The following RSU1 variants were observed in gnomAD, a reference collection of about 807,000 sequenced individuals.
The protein encoded by RSU1 is rsu-1.
Under a neutral mutation model 31.1 loss-of-function variants are expected in RSU1, and 26 were observed. The observed-to-expected ratio is 0.84, with a 90% CI of 0.61 to 1.16. The LOEUF (loss-of-function observed/expected upper bound fraction) is 1.16, where lower values mean the gene tolerates loss of function less well. Among genes scored for constraint, RSU1 ranks in the 50% most tolerant of loss-of-function variants. The pLI, the probability that RSU1 is intolerant of heterozygous loss-of-function variation, is 0.00. For synonymous variants in RSU1, 164 were observed against 136.3 expected (o/e 1.20, Z -1.41); for missense variants, 320 against 339.1 (o/e 0.94, Z 0.44).
intron 8 of RSU1, among the ~76,000 whole-genome samples, chr10:16,665,727 T>C (rs184344992): frequency 6.6e-6 from 1 of 152,324 alleles, no homozygotes; most frequent in Non-Finnish European, 1.5e-5. Context: ...AAAAAGATCA[T>C]ATTAGGCAAA....
chr10:16,621,444 G>A (rs1380660023), intron 8 of RSU1, among the ~76,000 whole-genome samples: 2 of 152,158 alleles, frequency 1.3e-5, no homozygotes, highest in Non-Finnish European at 2.9e-5. Flanking sequence ...GGTTCCCAAA[G>A]GTGTTGTATG....
chr10:16,730,159 G>T (rs1337990873), intron 7 of RSU1, among the ~76,000 whole-genome samples: 3 of 152,058 alleles, frequency 2.0e-5, no homozygotes, highest in African/African-American at 7.2e-5. Flanking sequence ...TTAAGAATCA[G>T]CTCTCCTGGG....
intron 3 of RSU1, among the ~76,000 whole-genome samples, chr10:16,775,437 GCT>G (rs745368633): frequency 2.0e-5 from 3 of 152,090 alleles, no homozygotes; most frequent in Non-Finnish European, 4.4e-5. Context: ...GCTGGCTTCC[GCT>G]TAGCACAAAA....
chr10:16,735,760 G>C (rs1286241100), intron 7 of RSU1, among the ~76,000 whole-genome samples: 4 of 152,106 alleles, frequency 2.6e-5, no homozygotes, highest in Non-Finnish European at 5.9e-5. Flanking sequence ...ATCAGAGCTT[G>C]TAAGAACTCA....
At chr10:16,665,603 T>G (rs551990598) in intron 8 of RSU1, among the ~76,000 whole-genome samples, 23 of 152,328 alleles carry the variant, frequency 1.5e-4, no homozygotes, top group Middle Eastern at 6.8e-3. Flanking sequence ...TTTTGACACA[T>G]AAATATTAAT....
At chr10:16,662,224 C>T (rs1249755134) in intron 8 of RSU1, among the ~76,000 whole-genome samples, 1 of 152,188 alleles carries the variant, frequency 6.6e-6, no homozygotes, top group African/African-American at 2.4e-5. Context: ...GATTGGCACT[C>T]CTATTTTTAC....
At chr10:16,785,503 C>T (rs980478523) in intron 2 of RSU1, among the ~76,000 whole-genome samples, 41 of 136,306 alleles carry the variant, frequency 3.0e-4, no homozygotes, top group African/African-American at 1.2e-3. Flanking sequence ...TATATATACA[C>T]ATATATACAT....
intron 7 of RSU1, among the ~76,000 whole-genome samples, chr10:16,720,892 G>A (rs1223203756): frequency 1.3e-5 from 2 of 152,092 alleles, no homozygotes; most frequent in African/African-American, 2.4e-5. Context: ...AGGCTGAGGT[G>A]GGAGGATCAC....
intron 4 of RSU1, among the ~76,000 whole-genome samples, chr10:16,759,038 G>A (rs1204947392): frequency 6.6e-6 from 1 of 152,048 alleles, no homozygotes; most frequent in Non-Finnish European, 1.5e-5. Flanking sequence ...TTTTTTCCTT[G>A]TCTTCTAAAG....
At chr10:16,675,578 G>C (rs1461480905) in intron 8 of RSU1, among the ~76,000 whole-genome samples, 1 of 152,140 alleles carries the variant, frequency 6.6e-6, no homozygotes, top group African/African-American at 2.4e-5. Flanking sequence ...GACAAGAAAA[G>C]GAAAATTTGG....
chr10:16,750,195 T>G (rs193289891), intron 7 of RSU1, among the ~76,000 whole-genome samples: 1 of 152,086 alleles, frequency 6.6e-6, no homozygotes, highest in African/African-American at 2.4e-5. Context: ...CTTGACTTTT[T>G]AAAAAAAATC....
intron 8 of RSU1, among the ~76,000 whole-genome samples, chr10:16,684,729 T>G (rs1835408027): frequency 6.6e-6 from 1 of 152,152 alleles, no homozygotes; most frequent in South Asian, 2.1e-4. Flanking sequence ...TTTGTGGTAC[T>G]TGGTTATGGC....
chr10:16,731,442 A>G (rs1836510273), intron 7 of RSU1, among the ~76,000 whole-genome samples: 1 of 151,964 alleles, frequency 6.6e-6, no homozygotes, highest in Non-Finnish European at 1.5e-5. Flanking sequence ...AAAAAAAAAA[A>G]AAAATACTGT....
At chr10:16,700,435 G>T (rs948515585) in intron 7 of RSU1, among the ~76,000 whole-genome samples, 5 of 152,112 alleles carry the variant, frequency 3.3e-5, no homozygotes, top group African/African-American at 1.2e-4. Flanking sequence ...GGATCGAGAT[G>T]GGACATAATA....
chr10:16,752,978 T>G lies in RSU1; in HGVS notation c.423A>C (p.Leu141=). ...FYLTTLRALY[L]SDNDFEILPP... is the part of the protein sequence containing the mutation. ...GCAGGATTTCAAAATCGTTGTCACT[T>G]AGATAGAGTGCACGCAGGGTGGCTG... Residue 141 remains leucine, a synonymous_variant, in exon 6 of 9, where the codon CTA becomes CTC. Transcript: ENST00000345264. The G allele has an allele frequency of 1.2e-6, 2 of 1,613,904 alleles. No homozygotes were observed. Among genetic ancestry groups the G allele is most frequent in the Non-Finnish European group, 1.7e-6 (2 of 1,179,822 alleles).
chr10:16,675,200 CAAA>C (rs4012468), intron 8 of RSU1, among the ~76,000 whole-genome samples: 5 of 95,504 alleles, frequency 5.2e-5, no homozygotes, highest in African/African-American at 1.7e-4. Flanking sequence ...GACTCTGTCT[CAAA>C]AAAAAAAAAA....
intron 8 of RSU1, among the ~76,000 whole-genome samples, chr10:16,682,222 C>T (rs1044351373): frequency 6.6e-6 from 1 of 152,092 alleles, no homozygotes; most frequent in South Asian, 2.1e-4. Flanking sequence ...CAGAGGCGTT[C>T]GAACCAGAGT....
At chr10:16,815,112 G>C (rs543089364) in intron 2 of RSU1, among the ~76,000 whole-genome samples, 1 of 152,334 alleles carries the variant, frequency 6.6e-6, no homozygotes, top group African/African-American at 2.4e-5. Context: ...TAATGACCAT[G>C]GTCATGGCAG....
At chr10:16,702,664 T>C (rs558212318) in intron 7 of RSU1, among the ~76,000 whole-genome samples, 1 of 152,338 alleles carries the variant, frequency 6.6e-6, no homozygotes, top group African/African-American at 2.4e-5. Context: ...TGCCTATACC[T>C]CCACTCTATC....
Sources: allele counts gnomAD v4.1 joint callset (sites outside exome capture counted in the v4.1 genomes callset), GRCh38; gene constraint gnomAD v4.1.1; transcripts MANE v1.5; gene names NCBI Gene and HGNC (gene_info 2026-07-23, HGNC 2026-07-21).